The following FNDC1 variants were observed in gnomAD, a reference collection of about 807,000 sequenced individuals.
The protein encoded by FNDC1 is fibronectin type III domain-containing protein 1.
FNDC1 carries 96 observed loss-of-function variants against 168.0 expected under a neutral mutation model. The ratio of observed to expected loss-of-function variants is 0.57; its 90% CI spans 0.48 to 0.68. FNDC1 has a LOEUF of 0.68. Ranked by LOEUF, FNDC1 falls within the 30% of genes least tolerant of loss-of-function variation. FNDC1 has a pLI of 0.00. For missense variants in FNDC1, 2,587 were observed against 2,482.1 expected (o/e 1.04, Z -0.90); for synonymous variants, 1,099 against 1,025.9 (o/e 1.07, Z -1.36).
rs193211281 is a variant in FNDC1, at chr6:159,243,664, T to C, written c.4622-3237T>C. Among the ~76,000 whole-genome samples, 501 of 152,312 alleles carry C rather than the reference T, an allele frequency of 3.3e-3. 3 individuals carry two copies. The highest frequency in any genetic ancestry group is 0.011 in the African/African-American group (476 of 41,572). ...TGGTGCTGAGTTGACTTGTAAAATA[T>C]CCAGTTTTACATAGTTCTGAATGGT... On this transcript the variant is annotated intron_variant, in intron 14 of 22. Transcript: ENST00000297267.
intron 4 of FNDC1, among the ~76,000 whole-genome samples, chr6:159,207,636 C>A (rs564792892): frequency 1.3e-5 from 2 of 152,308 alleles, no homozygotes; most frequent in East Asian, 3.9e-4. Context: ...CCTTTTTAAA[C>A]TTATCAACCT....
intron 22 of FNDC1, among the ~76,000 whole-genome samples, chr6:159,269,999 AG>A (rs927952866): frequency 2.6e-5 from 4 of 152,112 alleles, no homozygotes; most frequent in East Asian, 1.9e-4. Context: ...AGACCAGCCT[AG>A]GCAACATAGT....
intron 9 of FNDC1, 125 bp from the exon 10 acceptor site, chr6:159,229,690 C>T (rs57447691): frequency 0.12 from 87,695 of 748,192 alleles, 5,820 homozygotes; most frequent in Middle Eastern, 0.17. Context: ...GGTGACTTGG[C>T]GTGCATTGCT....
intron 14 of FNDC1, among the ~76,000 whole-genome samples, chr6:159,242,317 C>G (rs1783440755): frequency 6.6e-6 from 1 of 152,074 alleles, no homozygotes; most frequent in Non-Finnish European, 1.5e-5. Context: ...GAACAACATA[C>G]AGTGGCGCCT....
intron 1 of FNDC1, among the ~76,000 whole-genome samples, chr6:159,188,369 CTTTTTTT>C (rs61551779): frequency 1.9e-4 from 25 of 128,638 alleles, no homozygotes; most frequent in Admixed American, 4.9e-4. Flanking sequence ...CAATTTCTTT[CTTTTTTT>C]TTTTTTTTTT....
chr6:159,212,904 G>A (rs1396369345), intron 4 of FNDC1, among the ~76,000 whole-genome samples: 2 of 152,148 alleles, frequency 1.3e-5, no homozygotes, highest in Non-Finnish European at 2.9e-5. Flanking sequence ...GATGAAACTG[G>A]GAATCAGAAT....
At chr6:159,221,452 C>CCTT in intron 5 of FNDC1, 146 bp from the exon 6 acceptor site, 1 of 649,364 alleles carries the variant, frequency 1.5e-6, no homozygotes, top group Non-Finnish European at 2.8e-6. Context: ...CCTTCATAGT[C>CCTT]CTCAAGAAGT....
At chr6:159,243,935 G>A (rs1783485982) in intron 14 of FNDC1, among the ~76,000 whole-genome samples, 1 of 149,124 alleles carries the variant, frequency 6.7e-6, no homozygotes. Flanking sequence ...GCTGGTAAAA[G>A]CATCATTTCT....
Position 159,232,461 on chromosome 6 carries a change from A to T in FNDC1, c.1949A>T (p.Asp650Val), listed in dbSNP as rs758867914. Reference protein sequence around the residue: ...NDNDLVDSDEDERAVGSLHPK... With the variant: ...NDNDLVDSDEVERAVGSLHPK... ...AACGACTTGGTGGACTCAGACGAAG[A>T]TGAGCGCGCTGTGGGCTCCCTCCAC... Residue 650 changes from aspartate to valine, a missense_variant, in exon 11 of 23, where the codon GAT becomes GTT. By Grantham distance (152) the Asp-to-Val change is radical. Transcript: ENST00000297267. This position sits in a 1 kb window ranked among gnomAD's most constrained non-coding sequence, Gnocchi z 4.9. 1 of 1,612,132 alleles carries T rather than the reference A, an allele frequency of 6.2e-7. No homozygotes were observed. Among genetic ancestry groups the T allele is most frequent in the South Asian group, 1.1e-5 (1 of 90,876 alleles).
At chr6:159,223,689 T>A in intron 7 of FNDC1, 44 bp downstream of exon 7, 81 of 1,142,976 alleles carry the variant, frequency 7.1e-5, no homozygotes, top group Non-Finnish European at 9.2e-5. Context: ...AGAGATGGGG[T>A]TTTTCTGGCC....
At chr6:159,263,635 G>C (rs526520) in intron 19 of FNDC1, among the ~76,000 whole-genome samples, 25,365 of 151,920 alleles carry the variant, frequency 0.17, 2,395 homozygotes, top group East Asian at 0.37. Context: ...GGTGGCGGGC[G>C]CCTGTAGTCC....
chr6:159,209,723 C>T (rs562767334), intron 4 of FNDC1, among the ~76,000 whole-genome samples: 3 of 152,344 alleles, frequency 2.0e-5, no homozygotes, highest in South Asian at 4.1e-4. Flanking sequence ...TGGGCTTCCA[C>T]GATTCATGAC....
rs62432291 is a variant in FNDC1 at position 159,200,055 on chromosome 6, C to T, written c.364C>T (p.Pro122Ser). The part of the protein sequence containing the change: ...TAENHSGVSR[P>S]VYRAESPPGG... ...AGAAAACCACAGTGGAGTGAGCCGT[C>T]CTGTTTACAGAGCTGAAAGCCCACC... The change falls in exon 3 of 23, where the codon CCT becomes TCT. Residue 122 changes from proline to serine, a missense_variant. Pro to Ser is a moderately conservative substitution (Grantham distance 74). Transcript: ENST00000297267. 0.054 allele frequency: 86,267 copies of T among 1,602,346 alleles called. 2,546 individuals are homozygous for T. Among genetic ancestry groups the T allele is most frequent in the Non-Finnish European group, 0.06 (70,003 of 1,174,050 alleles).
rs374389256 is a variant in FNDC1 at position 159,256,504 on chromosome 6, T to C, written c.5066-19T>C. 279 of 1,589,272 alleles carry C rather than the reference T, an allele frequency of 1.8e-4. No individual in the cohort carries two copies. Among genetic ancestry groups the C allele is most frequent in the Non-Finnish European group, 2.3e-4 (267 of 1,158,338 alleles). ...TGGTTCCTTGGTGTCCATTGGGTTT[T>C]TCCTGTTTCCATTTTCAGGTTACTT... On this transcript the variant is annotated intron_variant, in intron 17 of 22. Transcript: ENST00000297267.
At chr6:159,193,328 C>G (rs897638301) in intron 1 of FNDC1, among the ~76,000 whole-genome samples, 1 of 152,126 alleles carries the variant, frequency 6.6e-6, no homozygotes, top group Non-Finnish European at 1.5e-5. Context: ...TTAGATGGAG[C>G]ATATATTCTC....
chr6:159,207,914 T>A (rs1782522488), intron 4 of FNDC1, among the ~76,000 whole-genome samples: 1 of 152,232 alleles, frequency 6.6e-6, no homozygotes, highest in Middle Eastern at 3.2e-3. Flanking sequence ...ACACTCCTTC[T>A]CTTCGCTTAG....
chr6:159,187,175 AG>A (rs1472459869), intron 1 of FNDC1, among the ~76,000 whole-genome samples: 1 of 152,138 alleles, frequency 6.6e-6, no homozygotes, highest in Non-Finnish European at 1.5e-5. Flanking sequence ...TGAACATAAC[AG>A]GGCGCTTTGG....
At chr6:159,203,356 C>T (rs1249463739) in intron 4 of FNDC1, among the ~76,000 whole-genome samples, 6 of 151,996 alleles carry the variant, frequency 3.9e-5, no homozygotes, top group Admixed American at 1.3e-4. Context: ...GATGGTGGCA[C>T]CAAGTTGAGA....
intron 17 of FNDC1, 66 bp downstream of exon 17, chr6:159,251,598 G>A: frequency 7.2e-7 from 1 of 1,397,542 alleles, no homozygotes; most frequent in East Asian, 2.4e-5. Flanking sequence ...AATAAAGAAT[G>A]GTGGATGAGT....
Sources: gnomAD v4.1 joint callset for allele counts (sites outside exome capture counted in the v4.1 genomes callset) on GRCh38, gnomAD v4.1.1 for gene constraint, Gnocchi (gnomAD v3.1) non-coding constraint, MANE v1.5 for transcripts, NCBI Gene and HGNC (gene_info 2026-07-23, HGNC 2026-07-21) for gene names.